DRC9: variants seen among roughly 807,000 people sequenced by gnomAD.
DRC9 encodes the protein dynein regulatory complex protein 9.
At chr3:197,909,336 A>C in the DRC9 span, among the ~76,000 whole-genome samples, 20 of 152,370 alleles carry the variant, frequency 1.3e-4, no homozygotes, top group South Asian at 3.9e-3. Flanking sequence ...AATAATAAAA[A>C]GGATAATATA....
chr3:197,889,516 C>G, the DRC9 span: 1 of 1,593,644 alleles, frequency 6.3e-7, no homozygotes, highest in African/African-American at 1.3e-5. Flanking sequence ...CCAGGTGTTT[C>G]TTAACTCTCT....
chr3:197,951,186 C>T, the DRC9 span: 2 of 1,614,112 alleles, frequency 1.2e-6, no homozygotes, highest in Non-Finnish European at 1.7e-6. Context: ...TTTTTGCTGG[C>T]TATAAGCGGG....
At chr3:197,942,715 C>G in the DRC9 span, among the ~76,000 whole-genome samples, 11 of 151,718 alleles carry the variant, frequency 7.3e-5, no homozygotes, top group Non-Finnish European at 7.4e-5. Flanking sequence ...GTCGGGAGTT[C>G]AAGACCAGCC....
At chr3:197,944,663 T>C in the DRC9 span, among the ~76,000 whole-genome samples, 1 of 152,110 alleles carries the variant, frequency 6.6e-6, no homozygotes, top group Non-Finnish European at 1.5e-5. Context: ...TTAGCCAGGA[T>C]GGTCTCGATC....
chr3:197,934,257 T>C, the DRC9 span, among the ~76,000 whole-genome samples: 1 of 143,540 alleles, frequency 7.0e-6, no homozygotes, highest in Non-Finnish European at 1.5e-5. Flanking sequence ...CGATCTCGGC[T>C]CACTGCAACC....
chr3:197,898,538 T>C, the DRC9 span, among the ~76,000 whole-genome samples: 2 of 152,356 alleles, frequency 1.3e-5, no homozygotes, highest in Admixed American at 1.3e-4. Flanking sequence ...TGTATTAGTC[T>C]GTTCTCATAC....
chr3:197,892,919 T>A, the DRC9 span, among the ~76,000 whole-genome samples: 1 of 152,210 alleles, frequency 6.6e-6, no homozygotes, highest in South Asian at 2.1e-4. Context: ...GATTTCTGAT[T>A]GGGAATGGGG....
the DRC9 span, among the ~76,000 whole-genome samples, chr3:197,931,871 C>T: frequency 1.2e-4 from 19 of 152,068 alleles, no homozygotes; most frequent in East Asian, 9.7e-4. Context: ...GTGATCCGCC[C>T]GCCTCAGCCT....
chr3:197,953,930 G>A, the DRC9 span: 8 of 1,526,302 alleles, frequency 5.2e-6, no homozygotes, highest in African/African-American at 4.1e-5. Flanking sequence ...AGAGCCACTC[G>A]TGTAGAGGTC....
the DRC9 span, among the ~76,000 whole-genome samples, chr3:197,951,986 T>C: frequency 6.6e-6 from 1 of 152,178 alleles, no homozygotes; most frequent in African/African-American, 2.4e-5. Context: ...ACGTTACTTC[T>C]GAGGGTGGTG....
At chr3:197,931,612 C>A in the DRC9 span, among the ~76,000 whole-genome samples, 2 of 151,774 alleles carry the variant, frequency 1.3e-5, no homozygotes, top group Non-Finnish European at 2.9e-5. Flanking sequence ...TGAATTAAAT[C>A]TATTTTTTTT....
At chr3:197,937,862 G>A in the DRC9 span, among the ~76,000 whole-genome samples, 1 of 152,112 alleles carries the variant, frequency 6.6e-6, no homozygotes, top group Non-Finnish European at 1.5e-5. Context: ...GAAGCTTGAG[G>A]GCGGCAGTGC....
chr3:197,926,006 T>TA, the DRC9 span: 1 of 1,358,340 alleles, frequency 7.4e-7, no homozygotes, highest in South Asian at 1.2e-5. Context: ...CTTTTGGTGT[T>TA]AAGCAGGTAA....
the DRC9 span, among the ~76,000 whole-genome samples, chr3:197,924,167 T>G: frequency 6.6e-6 from 1 of 151,576 alleles, no homozygotes; most frequent in African/African-American, 2.4e-5. Context: ...ACCAGCCTGG[T>G]CAACATGGTG....
At chr3:197,951,064 A>T in the DRC9 span, 1 of 1,603,272 alleles carries the variant, frequency 6.2e-7, no homozygotes, top group Admixed American at 1.7e-5. Context: ...AAAAACTTAG[A>T]TGTTTGCTCT....
chr3:197,931,382 T>A, the DRC9 span, among the ~76,000 whole-genome samples: 4 of 151,768 alleles, frequency 2.6e-5, no homozygotes, highest in Admixed American at 1.3e-4. Context: ...CTTCGGAGGC[T>A]GAGGCAGGGG....
At chr3:197,955,843 T>G in the DRC9 span, 1 of 1,259,138 alleles carries the variant, frequency 7.9e-7, no homozygotes, top group Non-Finnish European at 1.2e-6. Flanking sequence ...AAAAACTTAC[T>G]ACCTTAAATT....
At chr3:197,953,945 T>C in the DRC9 span, 1 of 1,597,128 alleles carries the variant, frequency 6.3e-7, no homozygotes, top group African/African-American at 1.3e-5. Flanking sequence ...GAGGTCACCT[T>C]GAATTTGTAT....
the DRC9 span, among the ~76,000 whole-genome samples, chr3:197,899,118 TC>T: frequency 6.6e-6 from 1 of 152,086 alleles, no homozygotes; most frequent in African/African-American, 2.4e-5. Flanking sequence ...AGATAAAAGA[TC>T]AATAATCCTT....
Sources: allele counts gnomAD v4.1 joint callset (sites outside exome capture counted in the v4.1 genomes callset), GRCh38; gene constraint gnomAD v4.1.1; transcripts MANE v1.5; gene names NCBI Gene and HGNC (gene_info 2026-07-23, HGNC 2026-07-21).